Variants in ASIC2 observed in about 807,000 individuals in gnomAD.
ASIC2 encodes the protein acid sensing ion channel subunit 2.
ASIC2 carries 25 observed loss-of-function variants against 57.3 expected under a neutral mutation model. That is an observed-to-expected ratio of 0.44 (90% CI 0.32 to 0.61). The LOEUF is 0.61. ASIC2 is among the 20% of genes least tolerant of loss of function. The pLI is 0.06. For synonymous variants in ASIC2, 319 were observed against 307.5 expected (o/e 1.04, Z -0.39); for missense variants, 641 against 738.1 (o/e 0.87, Z 1.52).
intron 1 of ASIC2, among the ~76,000 whole-genome samples, chr17:33,878,107 T>C (rs957709871): frequency 1.3e-5 from 2 of 152,152 alleles, no homozygotes; most frequent in Non-Finnish European, 1.5e-5. Flanking sequence ...ACCCCATCTG[T>C]ACGTCACCAT....
intron 1 of ASIC2, among the ~76,000 whole-genome samples, chr17:33,199,541 T>C (rs2142076463): frequency 6.6e-6 from 1 of 152,328 alleles, no homozygotes; most frequent in East Asian, 1.9e-4. Context: ...TTCATAACTT[T>C]CATGTGCTGT....
At chr17:34,063,371 A>C (rs1909041358) in intron 1 of ASIC2, among the ~76,000 whole-genome samples, 1 of 152,320 alleles carries the variant, frequency 6.6e-6, no homozygotes, top group South Asian at 2.1e-4. Flanking sequence ...ACATACCTTA[A>C]TATAATAAAA....
At position 34,107,010 on chromosome 17, in the gene ASIC2, C is replaced by T. The variant is rs369767045; in HGVS notation, c.555+48968G>A. Among the ~76,000 whole-genome samples, 5 of 152,124 alleles carry T rather than the reference C, an allele frequency of 3.3e-5. 1 individual carries two copies. Among genetic ancestry groups the T allele is most frequent in the Admixed American group, 1.3e-4 (2 of 15,276 alleles). On this transcript the variant is annotated intron_variant, in intron 1 of 9. Coordinates refer to the ASIC2 transcript ENST00000359872. ...GCATATTTACATAAATATACATATG[C>T]GCAAACCTAGATATGCATACATGCA...
At position 33,128,659 on chromosome 17, in the gene ASIC2, T is replaced by C. The variant is rs192286209; in HGVS notation, c.709-16592A>G. ...TTGAGGCAAGGTGCCAGAATTTGTA[T>C]CCCCATTGGATTTGGGGTACCCCTG... On this transcript the variant is annotated intron_variant, in intron 1 of 9. Transcript: ENST00000225823. Among the ~76,000 whole-genome samples the C allele has an allele frequency of 1.1e-4, 17 of 152,308 alleles. No individual in the cohort carries two copies. The East Asian group carries it at 3.3e-3, about 29-fold the overall frequency.
chr17:33,660,465 TTTATTA>T (rs1265098801), intron 1 of ASIC2, among the ~76,000 whole-genome samples: 1 of 152,196 alleles, frequency 6.6e-6, no homozygotes, highest in African/African-American at 2.4e-5. Context: ...TTTAAAATTA[TTTATTA>T]TTTTTACTTT....
intron 1 of ASIC2, among the ~76,000 whole-genome samples, chr17:33,551,630 T>C (rs1351611397): frequency 2.0e-5 from 3 of 152,190 alleles, no homozygotes; most frequent in African/African-American, 7.2e-5. Flanking sequence ...AATTAGATTA[T>C]AGACATCCTT....
At chr17:34,145,761 C>G (rs1397406135) in intron 1 of ASIC2, among the ~76,000 whole-genome samples, 1 of 152,220 alleles carries the variant, frequency 6.6e-6, no homozygotes, top group Non-Finnish European at 1.5e-5. Flanking sequence ...TCATACGCTC[C>G]TCATCGCTCG....
intron 1 of ASIC2, among the ~76,000 whole-genome samples, chr17:33,288,013 G>C (rs927166619): frequency 1.3e-5 from 2 of 152,198 alleles, no homozygotes; most frequent in Non-Finnish European, 2.9e-5. Flanking sequence ...GGGGGTACCT[G>C]ATGGAGGTAT....
chr17:33,797,296 C>T (rs1911945834), intron 1 of ASIC2, among the ~76,000 whole-genome samples: 1 of 152,124 alleles, frequency 6.6e-6, no homozygotes, highest in South Asian at 2.1e-4. Context: ...TGTGCAAAGT[C>T]CTGGAGCTGA....
At chr17:33,880,973 C>T (rs1209730783) in intron 1 of ASIC2, among the ~76,000 whole-genome samples, 3 of 152,074 alleles carry the variant, frequency 2.0e-5, no homozygotes, top group East Asian at 3.8e-4. Context: ...AATCAATAAA[C>T]GTAATCCAGC....
intron 1 of ASIC2, among the ~76,000 whole-genome samples, chr17:33,848,645 A>G (rs907829976): frequency 6.6e-6 from 1 of 152,142 alleles, no homozygotes; most frequent in African/African-American, 2.4e-5. Context: ...TCAGCACTTC[A>G]GGTGCACAGT....
intron 1 of ASIC2, among the ~76,000 whole-genome samples, chr17:34,088,736 C>G (rs1311012679): frequency 6.6e-6 from 1 of 152,228 alleles, no homozygotes; most frequent in Non-Finnish European, 1.5e-5. Context: ...CAAGCCTGGG[C>G]AATGGCGGGC....
At chr17:33,545,604 C>G (rs1224700402) in intron 1 of ASIC2, among the ~76,000 whole-genome samples, 3 of 152,080 alleles carry the variant, frequency 2.0e-5, no homozygotes, top group Non-Finnish European at 4.4e-5. Flanking sequence ...TCTTCTTAAC[C>G]ACTTCTGTCA....
intron 1 of ASIC2, among the ~76,000 whole-genome samples, chr17:33,684,314 C>T (rs1191890134): frequency 6.6e-6 from 1 of 151,894 alleles, no homozygotes; most frequent in Admixed American, 6.6e-5. Flanking sequence ...CCCAGCCCGA[C>T]CCTGGGGTGG....
intron 1 of ASIC2, among the ~76,000 whole-genome samples, chr17:33,245,987 C>T (rs35215199): frequency 0.014 from 2,035 of 148,766 alleles, 22 homozygotes; most frequent in Non-Finnish European, 0.022. Context: ...GCCAGGAGTT[C>T]AACTGTCTGG....
At chr17:33,944,813 C>A (rs1916271004) in intron 1 of ASIC2, among the ~76,000 whole-genome samples, 1 of 152,212 alleles carries the variant, frequency 6.6e-6, no homozygotes, top group African/African-American at 2.4e-5. Context: ...TGGCCATGAT[C>A]CGTGCCTCCA....
intron 4 of ASIC2, 99 bp from the exon 5 acceptor site, chr17:33,026,081 C>T: frequency 7.4e-7 from 1 of 1,344,056 alleles, no homozygotes; most frequent in Non-Finnish European, 1.0e-6. Context: ...TGCCTCCTGG[C>T]AGTTGAAGGG....
At chr17:34,091,933 G>A (rs999311774) in intron 1 of ASIC2, among the ~76,000 whole-genome samples, 2 of 152,142 alleles carry the variant, frequency 1.3e-5, no homozygotes, top group East Asian at 3.9e-4. Context: ...GACTACAGTA[G>A]TGCATGTCTT....
At chr17:33,020,037 G>A (rs774922397) in intron 7 of ASIC2, among the ~76,000 whole-genome samples, 1 of 152,004 alleles carries the variant, frequency 6.6e-6, no homozygotes, top group Non-Finnish European at 1.5e-5. Context: ...GAGTCTCTTG[G>A]CTCAGTACCT....
Sources: allele counts gnomAD v4.1 joint callset (sites outside exome capture counted in the v4.1 genomes callset), GRCh38; gene constraint gnomAD v4.1.1; transcripts MANE v1.5; gene names NCBI Gene and HGNC (gene_info 2026-07-23, HGNC 2026-07-21).